The following FHIT variants were observed in gnomAD, a reference collection of about 807,000 sequenced individuals.
FHIT encodes fragile histidine triad diadenosine triphosphatase.
A neutral mutation model predicts 17.9 loss-of-function variants in FHIT; 19 were observed. The observed-to-expected ratio is 1.06, with a 90% confidence interval of 0.74 to 1.56. The LOEUF is 1.56. Among genes scored for constraint, FHIT ranks in the 40% most tolerant of loss-of-function variants. The pLI is 0.00. For missense variants in FHIT, 248 were observed against 189.2 expected (o/e 1.31, Z -1.82); for synonymous variants, 81 against 69.7 (o/e 1.16, Z -0.81).
chr3:60,395,239 C>G (rs1353986590), intron 5 of FHIT, among the ~76,000 whole-genome samples: 1 of 152,152 alleles, frequency 6.6e-6, no homozygotes, highest in Non-Finnish European at 1.5e-5. Context: ...GCCATATCAT[C>G]ATGATCATTG....
chr3:59,864,411 C>G (rs74617529), intron 8 of FHIT, among the ~76,000 whole-genome samples: 1 of 152,156 alleles, frequency 6.6e-6, no homozygotes, highest in Non-Finnish European at 1.5e-5. Context: ...CACCATGATT[C>G]TGAGGACTCC....
Position 60,763,150 on chromosome 3 carries a change from A to G in FHIT, c.-18+58769T>C, listed in dbSNP as rs971990355. Among the ~76,000 whole-genome samples, 3 of 152,166 alleles carry G rather than the reference A, an allele frequency of 2.0e-5. No individual in the cohort carries two copies. In the East Asian group the frequency reaches 5.8e-4, roughly 29 times the overall value. On this transcript the variant is annotated intron_variant, in intron 4 of 9. Coordinates refer to ENST00000492590, the MANE Select transcript of FHIT (RefSeq NM_002012.4). ...TGGGAATATGAGTACTCCTGACTCC[A>G]CAGGCTTGTTGGCTTACACACGAGA...
intron 5 of FHIT, among the ~76,000 whole-genome samples, chr3:60,323,189 G>A (rs142431359): frequency 6.6e-6 from 1 of 151,960 alleles, no homozygotes; most frequent in South Asian, 2.1e-4. Context: ...TCCCTCAAGG[G>A]GACGCAGGGC....
At chr3:60,323,378 G>A (rs747577693) in intron 5 of FHIT, among the ~76,000 whole-genome samples, 1 of 152,096 alleles carries the variant, frequency 6.6e-6, no homozygotes, top group Non-Finnish European at 1.5e-5. Flanking sequence ...ACTCCTACTG[G>A]CCAATTTTGA....
chr3:60,534,995 A>G (rs1287975026), intron 5 of FHIT, among the ~76,000 whole-genome samples: 1 of 152,212 alleles, frequency 6.6e-6, no homozygotes, highest in East Asian at 1.9e-4. Flanking sequence ...AAAAACTACA[A>G]AGCAGAGTTC....
At chr3:59,822,848 T>C (rs1010074458) in intron 8 of FHIT, among the ~76,000 whole-genome samples, 6 of 152,224 alleles carry the variant, frequency 3.9e-5, no homozygotes, top group African/African-American at 1.4e-4. Flanking sequence ...CATTTGCTTT[T>C]GGGTTCTTGG....
intron 4 of FHIT, among the ~76,000 whole-genome samples, chr3:60,712,243 C>T (rs1396139603): frequency 2.0e-5 from 3 of 152,086 alleles, no homozygotes; most frequent in Non-Finnish European, 4.4e-5. Context: ...ATTTTGTCAC[C>T]ACCAGGCTGC....
chr3:60,165,787 C>T lies in FHIT; in HGVS notation c.104-151635G>A, dbSNP rs1417168429. Among the ~76,000 whole-genome samples, 3 of 152,134 alleles carry T rather than the reference C, an allele frequency of 2.0e-5. No individual in the cohort carries two copies. In the East Asian group the frequency reaches 5.8e-4, roughly 29 times the overall value. On this transcript the variant is annotated intron_variant, in intron 5 of 9. Transcript: ENST00000492590. ...TAAAAAGGACATTGGTAGAAGCAAA[C>T]AATACAGAAGAGTATAACGGGAAAA...
chr3:59,833,091 T>C (rs1701221100), intron 8 of FHIT, among the ~76,000 whole-genome samples: 1 of 152,168 alleles, frequency 6.6e-6, no homozygotes, highest in African/African-American at 2.4e-5. Flanking sequence ...TATGACATAT[T>C]AAGTAATAGT....
chr3:60,419,800 C>A (rs1316782864), intron 5 of FHIT, among the ~76,000 whole-genome samples: 2 of 152,152 alleles, frequency 1.3e-5, no homozygotes, highest in Non-Finnish European at 2.9e-5. Flanking sequence ...AAAAAGGTAT[C>A]AATTAGGTTC....
At chr3:60,630,883 T>G (rs1209968456) in intron 4 of FHIT, among the ~76,000 whole-genome samples, 3 of 150,756 alleles carry the variant, frequency 2.0e-5, no homozygotes, top group South Asian at 2.1e-4. Context: ...TTCTTTAACC[T>G]TTTTTGGAAA....
At chr3:61,191,209 G>T (rs982698702) in intron 2 of FHIT, among the ~76,000 whole-genome samples, 1 of 152,170 alleles carries the variant, frequency 6.6e-6, no homozygotes. Context: ...ATTTCTGGAT[G>T]TGTCTGTGAG....
chr3:60,039,125 C>T (rs950892747), intron 5 of FHIT, among the ~76,000 whole-genome samples: 2 of 152,190 alleles, frequency 1.3e-5, no homozygotes, highest in African/African-American at 4.8e-5. Context: ...CCCTCTCTGG[C>T]TCCTTAAGGT....
At chr3:60,214,204 A>G (rs1703589310) in intron 5 of FHIT, among the ~76,000 whole-genome samples, 2 of 152,154 alleles carry the variant, frequency 1.3e-5, no homozygotes. Flanking sequence ...TGCCAAACTA[A>G]AAAACTTACA....
intron 8 of FHIT, among the ~76,000 whole-genome samples, chr3:59,901,449 T>C (rs571904233): frequency 6.6e-6 from 1 of 152,196 alleles, no homozygotes; most frequent in South Asian, 2.1e-4. Context: ...AAAATCCAAC[T>C]TATATGGGCA....
intron 2 of FHIT, among the ~76,000 whole-genome samples, chr3:61,119,594 C>G (rs1453705826): frequency 6.6e-6 from 1 of 152,144 alleles, no homozygotes; most frequent in East Asian, 1.9e-4. Flanking sequence ...CTGGGTGTGT[C>G]TGTGAAACAC....
intron 4 of FHIT, among the ~76,000 whole-genome samples, chr3:60,732,934 C>T (rs2042063334): frequency 6.6e-6 from 1 of 152,122 alleles, no homozygotes; most frequent in South Asian, 2.1e-4. Flanking sequence ...GATCGGCCCA[C>T]CTCGGCATCC....
At chr3:60,699,096 T>A (rs58668270) in intron 4 of FHIT, among the ~76,000 whole-genome samples, 2,605 of 152,298 alleles carry the variant, frequency 0.017, 69 homozygotes, top group African/African-American at 0.058. Flanking sequence ...GTTTTATGGG[T>A]ATCTCTGTGT....
intron 2 of FHIT, among the ~76,000 whole-genome samples, chr3:61,139,221 G>A (rs1269477203): frequency 1.3e-5 from 2 of 152,080 alleles, no homozygotes; most frequent in Admixed American, 6.6e-5. Flanking sequence ...AGTAGAGACG[G>A]GATTTCACTG....
Sources: gnomAD v4.1 joint callset for allele counts (sites outside exome capture counted in the v4.1 genomes callset) on GRCh38, gnomAD v4.1.1 for gene constraint, MANE v1.5 for transcripts, NCBI Gene and HGNC (gene_info 2026-07-23, HGNC 2026-07-21) for gene names.